The following KLF8 variants were observed in gnomAD, a reference collection of about 807,000 sequenced individuals.
KLF8 encodes KLF transcription factor 8.
KLF8 carries 10 observed loss-of-function variants against 18.2 expected under a neutral mutation model. The observed-to-expected ratio is 0.55, with a 90% CI of 0.34 to 0.93. The LOEUF is 0.93. Among genes scored for constraint, KLF8 ranks in the 40% least tolerant of loss-of-function variants. KLF8 has a pLI of 0.02. For missense variants in KLF8, 264 were observed against 277.9 expected (o/e 0.95, Z 0.36); for synonymous variants, 109 against 97.3 (o/e 1.12, Z -0.71).
the KLF8 span, among the ~76,000 whole-genome samples, chrX:56,132,999 G>A: frequency 1.8e-5 from 2 of 111,104 alleles, no homozygotes; most frequent in South Asian, 3.8e-4. Flanking sequence ...AAAATAACAA[G>A]CAGTGAGATT....
chrX:55,997,183 A>T, the KLF8 span, among the ~76,000 whole-genome samples: 1 of 111,840 alleles, frequency 8.9e-6, no homozygotes, highest in African/African-American at 3.2e-5. Context: ...CACTCACATC[A>T]CACCAGCTCT....
the KLF8 span, among the ~76,000 whole-genome samples, chrX:56,083,723 G>A: frequency 9.0e-6 from 1 of 111,544 alleles, no homozygotes; most frequent in Non-Finnish European, 1.9e-5. Context: ...GAGTATTACT[G>A]CCTGAACTCC....
At chrX:56,260,457 T>C (rs935566273) in intron 2 of KLF8, among the ~76,000 whole-genome samples, 4 of 112,267 alleles carry the variant, frequency 3.6e-5, no homozygotes, top group Admixed American at 9.5e-5. Flanking sequence ...ACATTTTCTA[T>C]AGTTTTGTGC....
At chrX:55,959,539 G>C in the KLF8 span, among the ~76,000 whole-genome samples, 1 of 111,906 alleles carries the variant, frequency 8.9e-6, no homozygotes, top group East Asian at 2.8e-4. Flanking sequence ...AGATGATGTA[G>C]CTATTTTAAG....
At chrX:56,124,897 T>C in the KLF8 span, among the ~76,000 whole-genome samples, 15 of 112,274 alleles carry the variant, frequency 1.3e-4, 1 homozygote, top group South Asian at 4.1e-3. Context: ...ATTGTAGATT[T>C]CATTCAGAAA....
the KLF8 span, among the ~76,000 whole-genome samples, chrX:56,117,713 G>T: frequency 8.9e-6 from 1 of 112,159 alleles, no homozygotes; most frequent in African/African-American, 3.2e-5. Context: ...GTCTTTTAGT[G>T]TTTCTTCAAA....
the KLF8 span, among the ~76,000 whole-genome samples, chrX:56,151,871 T>C: frequency 1.8e-5 from 2 of 111,688 alleles, no homozygotes; most frequent in African/African-American, 3.3e-5. Flanking sequence ...AACTGAGCCA[T>C]AACACACCCT....
chrX:55,930,800 G>A, the KLF8 span, among the ~76,000 whole-genome samples: 17 of 111,245 alleles, frequency 1.5e-4, no homozygotes, highest in East Asian at 2.2e-3. Context: ...ATTTTATTGC[G>A]GATTTTTGCA....
chrX:55,922,531 T>C, the KLF8 span, among the ~76,000 whole-genome samples: 1 of 112,332 alleles, frequency 8.9e-6, no homozygotes, highest in Non-Finnish European at 1.9e-5. Context: ...ACCTATGTGA[T>C]GGGTTGATAG....
the KLF8 span, among the ~76,000 whole-genome samples, chrX:56,200,166 G>A: frequency 9.1e-6 from 1 of 110,369 alleles, no homozygotes; most frequent in Non-Finnish European, 1.9e-5. Flanking sequence ...AACCAACATA[G>A]CACATGTATA....
At chrX:56,101,876 A>G in the KLF8 span, among the ~76,000 whole-genome samples, 1 of 111,478 alleles carries the variant, frequency 9.0e-6, no homozygotes, top group Admixed American at 9.6e-5. Flanking sequence ...TAGTTTGCAA[A>G]TGTTTTCTCC....
At chrX:56,185,986 C>A in the KLF8 span, among the ~76,000 whole-genome samples, 2 of 112,141 alleles carry the variant, frequency 1.8e-5, no homozygotes, top group East Asian at 2.8e-4. Flanking sequence ...AAAAAACCAG[C>A]TAACATCATA....
At chrX:56,145,284 C>T in the KLF8 span, among the ~76,000 whole-genome samples, 1 of 111,485 alleles carries the variant, frequency 9.0e-6, no homozygotes, top group South Asian at 3.8e-4. Flanking sequence ...TACTTCACAC[C>T]AACTAGATTG....
At chrX:56,078,973 G>A in the KLF8 span, among the ~76,000 whole-genome samples, 1 of 99,514 alleles carries the variant, frequency 1.0e-5, no homozygotes, top group Admixed American at 1.0e-4. Context: ...GTATTTCTGT[G>A]GGATCGATGG....
chrX:56,083,984 C>T, the KLF8 span, among the ~76,000 whole-genome samples: 1 of 111,809 alleles, frequency 8.9e-6, no homozygotes, highest in East Asian at 2.8e-4. Flanking sequence ...TAGAAAACAA[C>T]TGAATTATTT....
the KLF8 span, among the ~76,000 whole-genome samples, chrX:56,154,262 A>G: frequency 9.1e-6 from 1 of 109,807 alleles, no homozygotes; most frequent in African/African-American, 3.5e-5. Flanking sequence ...AGAGATATAG[A>G]CCAATGGAAC....
chrX:55,994,895 G>A, the KLF8 span, among the ~76,000 whole-genome samples: 1 of 112,001 alleles, frequency 8.9e-6, no homozygotes, highest in Admixed American at 9.4e-5. Context: ...ATATTCTGCT[G>A]TTAGTCCAGT....
the KLF8 span, among the ~76,000 whole-genome samples, chrX:56,066,054 G>C: frequency 4.5e-5 from 5 of 111,753 alleles, no homozygotes; most frequent in Non-Finnish European, 9.4e-5. Context: ...AAGTGGGTGA[G>C]TGAGTCTTTG....
chrX:55,917,638 A>G, the KLF8 span, among the ~76,000 whole-genome samples: 15 of 111,443 alleles, frequency 1.3e-4, no homozygotes, highest in Admixed American at 1.9e-4. Flanking sequence ...ACACCCTGTC[A>G]TCTACTCACT....
Sources: allele counts gnomAD v4.1 joint callset (sites outside exome capture counted in the v4.1 genomes callset), GRCh38; gene constraint gnomAD v4.1.1; transcripts MANE v1.5; gene names NCBI Gene and HGNC (gene_info 2026-07-23, HGNC 2026-07-21).